Variants in ERG observed in about 807,000 individuals in gnomAD.
ERG encodes the protein transcriptional regulator ERG.
A neutral mutation model predicts 55.3 loss-of-function variants in ERG; 9 were observed. The ratio of observed to expected loss-of-function variants is 0.16; its 90% CI spans 0.10 to 0.28. ERG has a LOEUF of 0.28. Ranked by LOEUF, ERG falls within the 10% of genes least tolerant of loss-of-function variation. The pLI is 1.00. For missense variants in ERG, 434 were observed against 631.6 expected (o/e 0.69, Z 3.35); for synonymous variants, 223 against 237.3 (o/e 0.94, Z 0.55).
chr21:38,660,898 TGCGCGCGCCCTCGGGGCCAAGA>T (rs887170692), intron 1 of ERG, among the ~76,000 whole-genome samples: 8 of 151,848 alleles, frequency 5.3e-5, no homozygotes, highest in Admixed American at 5.2e-4. Context: ...CGCGTGTCCG[TGCGCGCGCCCTCGGGGCCAAGA>T]GCGCGGGCCG....
At chr21:38,661,009 AGAGGAGGAGGCG>A (rs1156849584) in intron 1 of ERG, among the ~76,000 whole-genome samples, 6 of 151,756 alleles carry the variant, frequency 4.0e-5, no homozygotes, top group Non-Finnish European at 8.8e-5. Context: ...AGGAGGAGGA[AGAGGAGGAGGCG>A]GAGGAGGAGG....
chr21:38,498,703 C>T (rs1227896240), upstream of ERG, among the ~76,000 whole-genome samples: 3 of 151,972 alleles, frequency 2.0e-5, no homozygotes, highest in Non-Finnish European at 4.4e-5. The surrounding 1 kb of genome is among the most constrained non-coding windows in gnomAD (Gnocchi z 4.6). Flanking sequence ...CAGGTGTGAC[C>T]GGTGTGCCGC....
intron 1 of ERG, among the ~76,000 whole-genome samples, chr21:38,475,248 A>T (rs1368603656): frequency 1.3e-5 from 2 of 152,222 alleles, no homozygotes; most frequent in African/African-American, 4.8e-5. Context: ...GATGGGAAGA[A>T]GGGAGAAGGG....
At position 38,382,525 on chromosome 21, in the gene ERG, C is replaced by G; in HGVS notation, c.*878G>C. 1 of 1,065,470 alleles carries G rather than the reference C, an allele frequency of 9.4e-7. No homozygotes were observed. The highest frequency in any genetic ancestry group is 1.1e-6 in the Non-Finnish European group (1 of 879,076). The allele number at this position is 1,065,470 out of a possible 1,614,324, so 66.0% of individuals were successfully genotyped here. On this transcript the variant is annotated 3_prime_UTR_variant, in exon 10 of 10. Coordinates refer to ENST00000288319, the MANE Select transcript of ERG (RefSeq NM_182918.4). ...TCTACTACTTCCCCTTTCTCCATTA[C>G]GCTGTGTCCTTTCTCCTAACACTGG...
At chr21:38,636,180 C>T (rs1354016153) in intron 1 of ERG, among the ~76,000 whole-genome samples, 1 of 152,222 alleles carries the variant, frequency 6.6e-6, no homozygotes, top group Non-Finnish European at 1.5e-5. Context: ...ATGTTTGCTT[C>T]CCCTTCTGCC....
chr21:38,512,477 C>G (rs546071370), intron 2 of ERG, among the ~76,000 whole-genome samples: 1 of 152,258 alleles, frequency 6.6e-6, no homozygotes, highest in East Asian at 1.9e-4. Flanking sequence ...TTACACTGCT[C>G]AGTAACAGTA....
intron 3 of ERG, among the ~76,000 whole-genome samples, chr21:38,418,978 T>C (rs1410536522): frequency 1.3e-5 from 2 of 150,364 alleles, no homozygotes; most frequent in Non-Finnish European, 3.0e-5. Flanking sequence ...AAACACTTTC[T>C]AGTCAACCTC....
chr21:38,596,492 C>G (rs2060132286), intron 1 of ERG, among the ~76,000 whole-genome samples: 1 of 152,174 alleles, frequency 6.6e-6, no homozygotes, highest in Non-Finnish European at 1.5e-5. Context: ...CTTTTGTGAT[C>G]CAGCGATACT....
chr21:38,476,222 A>G (rs997377542), intron 1 of ERG, among the ~76,000 whole-genome samples: 4 of 152,126 alleles, frequency 2.6e-5, no homozygotes, highest in African/African-American at 9.7e-5. Context: ...AGTACGTTAA[A>G]AAAAAAAATC....
Position 38,549,959 on chromosome 21 carries a change from C to T in ERG, c.-41+25703G>A, listed in dbSNP as rs555008384. Among the ~76,000 whole-genome samples the T allele has an allele frequency of 2.4e-4, 36 of 152,322 alleles. 1 individual carries two copies. The highest frequency in any genetic ancestry group is 8.2e-4 in the African/African-American group (34 of 41,578). On this transcript the variant is annotated intron_variant, in intron 2 of 8. Coordinates refer to the ERG transcript ENST00000398897. ...GGTTACACGGAAAAATTCTACCTCA[C>T]AGCAGCCCATGGGGTGGAGGAAAAA...
intron 1 of ERG, among the ~76,000 whole-genome samples, chr21:38,473,159 C>CAAAAAAAAAAAAAAA (rs33994175): frequency 9.4e-6 from 1 of 106,054 alleles, no homozygotes; most frequent in African/African-American, 4.0e-5. Context: ...AGGATGCGCT[C>CAAAAAAAAAAAAAAA]AAAAAAAAAA....
At chr21:38,432,008 G>A (rs1990236463) in intron 2 of ERG, among the ~76,000 whole-genome samples, 2 of 152,172 alleles carry the variant, frequency 1.3e-5, no homozygotes, top group Non-Finnish European at 1.5e-5. Context: ...TGAAAAAAAC[G>A]TGTAATTAAA....
intron 2 of ERG, among the ~76,000 whole-genome samples, chr21:38,564,939 T>A (rs1420673444): frequency 6.6e-6 from 1 of 152,162 alleles, no homozygotes; most frequent in Non-Finnish European, 1.5e-5. Flanking sequence ...TAGACTCATA[T>A]CAACCTCTCA....
upstream of ERG, among the ~76,000 whole-genome samples, chr21:38,588,335 TCCAAGCCCTGCCCCTGG>T (rs1457722793): frequency 6.6e-6 from 1 of 151,672 alleles, no homozygotes; most frequent in Non-Finnish European, 1.5e-5. Flanking sequence ...ACCACCACCC[TCCAAGCCCTGCCCCTGG>T]CCAGTGGGAC....
At chr21:38,435,824 TAAGATCTCTAC>T (rs1373720156) in intron 2 of ERG, among the ~76,000 whole-genome samples, 2 of 152,192 alleles carry the variant, frequency 1.3e-5, no homozygotes, top group Non-Finnish European at 2.9e-5. Flanking sequence ...TTCTGTAGCA[TAAGATCTCTAC>T]AAGCAGTTAC....
At chr21:38,599,767 C>A (rs1377381060) in intron 1 of ERG, among the ~76,000 whole-genome samples, 1 of 152,194 alleles carries the variant, frequency 6.6e-6, no homozygotes, top group Admixed American at 6.5e-5. Flanking sequence ...CAGGGAAAGT[C>A]TGGTGCCTGA....
At chr21:38,499,521 C>A (rs1340264961), upstream of ERG, among the ~76,000 whole-genome samples, 2 of 152,128 alleles carry the variant, frequency 1.3e-5, no homozygotes, top group Non-Finnish European at 2.9e-5. Context: ...TAGGCGACCC[C>A]AAGAACACAA....
chr21:38,561,798 T>C (rs1331869365), intron 2 of ERG, among the ~76,000 whole-genome samples: 3 of 152,206 alleles, frequency 2.0e-5, no homozygotes, highest in Admixed American at 6.5e-5. Flanking sequence ...ATTTACAGCA[T>C]ACAGCAGAGT....
chr21:38,487,183 C>T (rs989530527), intron 1 of ERG, among the ~76,000 whole-genome samples: 3 of 125,530 alleles, frequency 2.4e-5, no homozygotes, highest in African/African-American at 9.2e-5. Context: ...GTACTAATAA[C>T]AATGAGTTTA....
Sources: gnomAD v4.1 joint callset for allele counts (sites outside exome capture counted in the v4.1 genomes callset) on GRCh38, gnomAD v4.1.1 for gene constraint, Gnocchi (gnomAD v3.1) non-coding constraint, MANE v1.5 for transcripts, NCBI Gene and HGNC (gene_info 2026-07-23, HGNC 2026-07-21) for gene names.